The following PLEKHA4 variants were observed in gnomAD, a reference collection of about 807,000 sequenced individuals.
The protein encoded by PLEKHA4 is pleckstrin homology domain-containing family A member 4.
In PLEKHA4, 73 loss-of-function variants were observed where a neutral mutation model predicts 94.7. The observed-to-expected ratio is 0.77, with a 90% confidence interval of 0.64 to 0.94. The LOEUF (loss-of-function observed/expected upper bound fraction) is 0.94, where lower values mean the gene tolerates loss of function less well. Among genes scored for constraint, PLEKHA4 ranks in the 40% least tolerant of loss-of-function variants. PLEKHA4 has a pLI of 0.00. For synonymous variants in PLEKHA4, 449 were observed against 437.1 expected, an observed-to-expected ratio of 1.03 and a Z score of -0.34; for missense variants, 1,049 against 1,054.1, an observed-to-expected ratio of 1.00 and a Z score of 0.07.
intron 3 of PLEKHA4, among the ~76,000 whole-genome samples, chr19:48,862,734 C>T (rs1236632427): frequency 3.3e-5 from 5 of 150,000 alleles, no homozygotes; most frequent in African/African-American, 1.2e-4. Context: ...AGGATGGTCT[C>T]GATCTCCTGA....
chr19:48,863,432 G>GTT lies in PLEKHA4; in HGVS notation c.193-1742_193-1741dup, dbSNP rs113645066. ...CCATGCAGGCTAATTTAGGTTTTTT[G>GTT]TTTTTTTTTTTTTTTGAGACGGAGT... On this transcript the variant is annotated intron_variant, in intron 3 of 19. Transcript: ENST00000263265. Among the ~76,000 whole-genome samples the GTT allele has an allele frequency of 9.3e-4, 97 of 104,732 alleles. 1 individual carries two copies. Among genetic ancestry groups the GTT allele is most frequent in the African/African-American group, 2.7e-3 (80 of 29,240 alleles). 68.7% of individuals were successfully genotyped at this position (104,732 alleles called of 152,430 possible).
intron 13 of PLEKHA4, among the ~76,000 whole-genome samples, chr19:48,848,437 G>C (rs1479389335): frequency 1.4e-5 from 2 of 145,326 alleles, no homozygotes; most frequent in African/African-American, 5.2e-5. Context: ...AGTGAGCCGA[G>C]ATCCCGCCAC....
chr19:48,838,293 A>T (rs2035620790), intron 18 of PLEKHA4, 164 bp from the exon 19 acceptor site: 2 of 522,812 alleles, frequency 3.8e-6, no homozygotes, highest in Non-Finnish European at 6.9e-6. Flanking sequence ...TAAATAAATT[A>T]AAGGGTGTAA....
Position 48,845,354 on chromosome 19 carries a change from T to G in PLEKHA4, c.1743+16A>C. 6.2e-7 allele frequency: 1 copy of G among 1,610,342 alleles called. No individual in the cohort carries two copies. Among genetic ancestry groups the G allele is most frequent in the Non-Finnish European group, 8.5e-7 (1 of 1,178,090 alleles). On this transcript the variant is annotated intron_variant, in intron 16 of 19. Coordinates refer to ENST00000263265, the MANE Select transcript of PLEKHA4 (RefSeq NM_020904.3). The stretch of plus-strand genomic sequence containing the variant: ...ATGGTCAGATGCAAGGATTACAGGA[T>G]GGACCTACAGCTTACCTTGGTTCCT...
intron 3 of PLEKHA4, among the ~76,000 whole-genome samples, chr19:48,863,459 T>A (rs989519183): frequency 4.5e-5 from 6 of 133,762 alleles, no homozygotes; most frequent in Admixed American, 3.0e-4. Flanking sequence ...AGACGGAGTC[T>A]TCGCTCTGTC....
At chr19:48,865,171 C>G (rs917756811) in intron 3 of PLEKHA4, among the ~76,000 whole-genome samples, 1 of 151,960 alleles carries the variant, frequency 6.6e-6, no homozygotes, top group Non-Finnish European at 1.5e-5. Flanking sequence ...TGATAAAACC[C>G]CATCTCTACT....
intron 15 of PLEKHA4, 25 bp downstream of exon 15, chr19:48,845,492 A>G: frequency 1.2e-6 from 2 of 1,613,572 alleles, no homozygotes; most frequent in Non-Finnish European, 1.7e-6. Flanking sequence ...ATTTCCGTAA[A>G]GTCCCACCCA....
chr19:48,841,432 G>T, intron 16 of PLEKHA4, 122 bp from the exon 17 acceptor site: 2 of 1,086,894 alleles, frequency 1.8e-6, no homozygotes, highest in Non-Finnish European at 2.5e-6. Context: ...TTGAAGACCA[G>T]CCTGGCCAAC....
rs564017144 is a variant in PLEKHA4 at position 48,867,921 on chromosome 19, G to A, written c.-7+162C>T. 2.0e-5 allele frequency among the ~76,000 whole-genome samples: 3 copies of A among 152,174 alleles called. No homozygotes were observed. The highest frequency in any genetic ancestry group is 7.2e-5 in the African/African-American group (3 of 41,490). On this transcript the variant is annotated intron_variant, in intron 1 of 19. Coordinates refer to ENST00000263265, the MANE Select transcript of PLEKHA4 (RefSeq NM_020904.3). This position sits in a 1 kb window ranked among gnomAD's most constrained non-coding sequence, Gnocchi z 4.7. ...AGGAATTTGACCCTCTCTGTGCTTA[G>A]GGACTCCCCATTCCCTGCCTCCTTC...
chr19:48,837,889 A>T lies in PLEKHA4; in HGVS notation c.2077+128T>A. ...GACCTAAAACTCCCAAACCCTGCCCAACTCTTTACTCACCAAGATAAAAAA... is the reference window on the plus strand; with the variant it reads ...GACCTAAAACTCCCAAACCCTGCCCTACTCTTTACTCACCAAGATAAAAAA... On this transcript the variant is annotated intron_variant, in intron 19 of 19. Transcript: ENST00000263265. This position sits in a 1 kb window ranked among gnomAD's most constrained non-coding sequence, Gnocchi z 4.3. 1 of 761,760 alleles carries T rather than the reference A, an allele frequency of 1.3e-6. No homozygotes were observed. Among genetic ancestry groups the T allele is most frequent in the East Asian group, 2.6e-5 (1 of 38,308 alleles). The allele number at this position is 761,760 out of a possible 1,614,324, so 47.2% of individuals were successfully genotyped here.
chr19:48,851,576 A>G (rs1389433978), intron 13 of PLEKHA4, among the ~76,000 whole-genome samples: 1 of 151,880 alleles, frequency 6.6e-6, no homozygotes, highest in Non-Finnish European at 1.5e-5. Context: ...AGATCGTGCC[A>G]TTGCACTCCA....
intron 5 of PLEKHA4, among the ~76,000 whole-genome samples, 184 bp from the exon 6 acceptor site, chr19:48,860,643 A>AAAAGGTGG (rs2036600042): frequency 6.6e-6 from 1 of 151,906 alleles, no homozygotes; most frequent in Non-Finnish European, 1.5e-5. Context: ...CCGTCTCTAC[A>AAAAGGTGG]AAAAAATCAA....
At chr19:48,863,955 C>A (rs568425761) in intron 3 of PLEKHA4, among the ~76,000 whole-genome samples, 1 of 152,218 alleles carries the variant, frequency 6.6e-6, no homozygotes, top group South Asian at 2.1e-4. Context: ...ATTCTGGGGC[C>A]CCATCCCCAG....
At chr19:48,862,508 C>A (rs2036681980) in intron 3 of PLEKHA4, among the ~76,000 whole-genome samples, 1 of 146,772 alleles carries the variant, frequency 6.8e-6, no homozygotes, top group Admixed American at 6.8e-5. Flanking sequence ...GCCTCCCCCA[C>A]TTTCTTTTTT....
At chr19:48,846,554 A>C (rs1418507423) in intron 14 of PLEKHA4, among the ~76,000 whole-genome samples, 1 of 151,854 alleles carries the variant, frequency 6.6e-6, no homozygotes, top group Non-Finnish European at 1.5e-5. Context: ...ATCACTTGAG[A>C]CCAGGAGGTC....
chr19:48,837,117 C>G lies in PLEKHA4; in HGVS notation c.*172G>C. 2 of 840,356 alleles carry G rather than the reference C, an allele frequency of 2.4e-6. No homozygotes were observed. The highest frequency in any genetic ancestry group is 2.7e-5 in the Admixed American group (1 of 37,018). 52.1% of individuals were successfully genotyped at this position (840,356 alleles called of 1,614,324 possible). On this transcript the variant is annotated 3_prime_UTR_variant, in exon 20 of 20. Transcript: ENST00000263265. This position sits in a 1 kb window ranked among gnomAD's most constrained non-coding sequence, Gnocchi z 4.3. ...TTGACTAAAAGTTCAAAGTTTTAATCCAAATTTAGACAGTGTTGAGAAAAC... is the reference window on the plus strand; with the variant it reads ...TTGACTAAAAGTTCAAAGTTTTAATGCAAATTTAGACAGTGTTGAGAAAAC...
At chr19:48,845,136 TATTAGCCCC>T (rs2035918535) in intron 16 of PLEKHA4, 1 of 475,328 alleles carries the variant, frequency 2.1e-6, no homozygotes, top group East Asian at 3.7e-5. Flanking sequence ...TAGGTTCTGC[TATTAGCCCC>T]ATTTTAGAGA....
intron 14 of PLEKHA4, among the ~76,000 whole-genome samples, chr19:48,845,879 C>T (rs2035950973): frequency 6.6e-6 from 1 of 151,612 alleles, no homozygotes; most frequent in Admixed American, 6.6e-5. Flanking sequence ...GGCGTGGTGG[C>T]AGGCGCCTGT....
In PLEKHA4 at chr19:48,841,284, A is replaced by G; in HGVS notation, c.1770T>C (p.Ser590=). Residue 590 remains serine (S), a synonymous_variant, in exon 17 of 20, where the codon AGT becomes AGC. Coordinates refer to ENST00000263265, the MANE Select transcript of PLEKHA4 (RefSeq NM_020904.3). ...GCATCCGCTCCAGCTGCTCCTGGGCACTCATCCGGGGCCGGGCCACCGGGG... is the reference window on the plus strand; with the variant it reads ...GCATCCGCTCCAGCTGCTCCTGGGCGCTCATCCGGGGCCGGGCCACCGGGG... The part of the protein sequence containing the change: ...TKAPVARPRM[S]AQEQLERMRR... The G allele has an allele frequency of 2.5e-6, 4 of 1,612,714 alleles. No individual in the cohort carries two copies. The highest frequency in any genetic ancestry group is 3.4e-6 in the Non-Finnish European group (4 of 1,179,524).
Sources: allele counts gnomAD v4.1 joint callset (sites outside exome capture counted in the v4.1 genomes callset), GRCh38; gene constraint gnomAD v4.1.1; non-coding constraint Gnocchi (gnomAD v3.1); transcripts MANE v1.5; gene names NCBI Gene and HGNC (gene_info 2026-07-23, HGNC 2026-07-21).